The following TMEM150C variants were observed in gnomAD, a reference collection of about 807,000 sequenced individuals.
TMEM150C encodes tentonin 3.
TMEM150C carries 10 observed loss-of-function variants against 29.9 expected under a neutral mutation model. The observed-to-expected ratio is 0.33, with a 90% CI of 0.21 to 0.57. TMEM150C has a LOEUF of 0.57. Among genes scored for constraint, TMEM150C ranks in the 20% least tolerant of loss-of-function variants. The pLI is 0.88. For missense variants in TMEM150C, 251 were observed against 303.6 expected (o/e 0.83, Z 1.29); for synonymous variants, 101 against 112.5 (o/e 0.90, Z 0.64).
chr4:82,561,766 A>T (rs2110097975), intron 1 of TMEM150C, 140 bp downstream of exon 1: 1 of 571,892 alleles, frequency 1.7e-6, no homozygotes, highest in Non-Finnish European at 2.2e-6. Flanking sequence ...AGGGCCCCGC[A>T]GCCGGGCGGA....
chr4:82,510,404 G>T (rs2110073336), intron 1 of TMEM150C, among the ~76,000 whole-genome samples: 1 of 152,306 alleles, frequency 6.6e-6, no homozygotes, highest in South Asian at 2.1e-4. Context: ...GAAGGACTTT[G>T]TCCTCCCTGG....
intron 1 of TMEM150C, among the ~76,000 whole-genome samples, chr4:82,558,974 TC>T (rs567639769): frequency 4.6e-5 from 7 of 152,104 alleles, no homozygotes; most frequent in Non-Finnish European, 7.4e-5. Flanking sequence ...CTTTGTAATC[TC>T]CCCCACCCTT....
At chr4:82,520,075 G>A (rs1724435456) in intron 1 of TMEM150C, among the ~76,000 whole-genome samples, 1 of 152,196 alleles carries the variant, frequency 6.6e-6, no homozygotes, top group Admixed American at 6.5e-5. Context: ...CTGTCACACT[G>A]AGGGCTTAGA....
rs193086147 is a variant in TMEM150C, at chr4:82,527,777, T to C, written c.-10-23110A>G. Among the ~76,000 whole-genome samples, 41 of 152,330 alleles carry C rather than the reference T, an allele frequency of 2.7e-4. 1 individual carries two copies. The highest frequency in any genetic ancestry group is 1.2e-3 in the South Asian group (6 of 4,828). On this transcript the variant is annotated intron_variant, in intron 1 of 7. Transcript: ENST00000449862. ...TAAGCTCAAATCCCTGTAAACTGTGTGTGTATACATCATGGTTTTGCTTCT... is the reference window on the plus strand; with the variant it reads ...TAAGCTCAAATCCCTGTAAACTGTGCGTGTATACATCATGGTTTTGCTTCT...
chr4:82,510,121 T>TA (rs1560486404), intron 1 of TMEM150C, among the ~76,000 whole-genome samples: 1 of 150,442 alleles, frequency 6.6e-6, no homozygotes, highest in Middle Eastern at 3.4e-3. Flanking sequence ...CTACTAAAAA[T>TA]AAAAAAAATT....
At chr4:82,519,443 T>C (rs1299348601) in intron 1 of TMEM150C, among the ~76,000 whole-genome samples, 3 of 151,962 alleles carry the variant, frequency 2.0e-5, no homozygotes, top group Non-Finnish European at 4.4e-5. Flanking sequence ...TCTTTTTTTT[T>C]AGATGGAGTC....
At chr4:82,519,402 CTCTT>C (rs1470828564) in intron 1 of TMEM150C, among the ~76,000 whole-genome samples, 9 of 151,456 alleles carry the variant, frequency 5.9e-5, no homozygotes, top group Non-Finnish European at 1.0e-4. Context: ...GATGTTCTTT[CTCTT>C]TCTTTTTCTT....
At chr4:82,518,369 G>A (rs1724365529) in intron 1 of TMEM150C, among the ~76,000 whole-genome samples, 1 of 151,878 alleles carries the variant, frequency 6.6e-6, no homozygotes, top group African/African-American at 2.4e-5. Flanking sequence ...CCGTGCCCTG[G>A]CCTCTGGCCA....
intron 5 of TMEM150C, among the ~76,000 whole-genome samples, chr4:82,500,771 C>G (rs558129960): frequency 6.6e-6 from 1 of 152,328 alleles, no homozygotes; most frequent in East Asian, 1.9e-4. Flanking sequence ...TGGGAAATAT[C>G]AATTTGTCTT....
intron 6 of TMEM150C, chr4:82,490,973 C>T: frequency 1.4e-6 from 1 of 735,456 alleles, no homozygotes; most frequent in Non-Finnish European, 2.5e-6. Context: ...CTTCCACCCG[C>T]TTAGCCAAAG....
intron 1 of TMEM150C, among the ~76,000 whole-genome samples, chr4:82,514,307 G>C (rs1292527268): frequency 6.6e-6 from 1 of 152,240 alleles, no homozygotes; most frequent in Non-Finnish European, 1.5e-5. Context: ...TTTTCCAATA[G>C]GAGTTTTAAT....
At chr4:82,517,858 G>A (rs1724342548) in intron 1 of TMEM150C, among the ~76,000 whole-genome samples, 1 of 152,104 alleles carries the variant, frequency 6.6e-6, no homozygotes, top group African/African-American at 2.4e-5. Flanking sequence ...CTGTTTCTCT[G>A]GAAAACTGAC....
chr4:82,537,906 C>T (rs1232639468), intron 1 of TMEM150C, among the ~76,000 whole-genome samples: 1 of 152,158 alleles, frequency 6.6e-6, no homozygotes. Context: ...GGATTTCCGG[C>T]CTCCAGGACT....
intron 5 of TMEM150C, among the ~76,000 whole-genome samples, chr4:82,499,846 T>C (rs959312323): frequency 1.3e-5 from 2 of 152,078 alleles, no homozygotes; most frequent in African/African-American, 4.8e-5. Context: ...TTCCTTGCAG[T>C]TCTAAACTGG....
At chr4:82,533,126 T>C (rs962851880) in intron 1 of TMEM150C, among the ~76,000 whole-genome samples, 14 of 152,344 alleles carry the variant, frequency 9.2e-5, no homozygotes, top group Middle Eastern at 3.4e-3. Context: ...TATGAATCAA[T>C]GTTGTTGGTC....
intron 1 of TMEM150C, among the ~76,000 whole-genome samples, chr4:82,552,882 G>A (rs551968904): frequency 6.6e-6 from 1 of 152,264 alleles, no homozygotes; most frequent in East Asian, 1.9e-4. Context: ...AAAGGTCAAT[G>A]GTCTGTCTGA....
intron 1 of TMEM150C, among the ~76,000 whole-genome samples, chr4:82,514,268 G>A (rs1724221527): frequency 6.6e-6 from 1 of 152,244 alleles, no homozygotes; most frequent in African/African-American, 2.4e-5. Flanking sequence ...TGTGGACCAG[G>A]GGCTGCTGTG....
chr4:82,516,040 C>T (rs1724285875), intron 1 of TMEM150C, among the ~76,000 whole-genome samples: 1 of 152,056 alleles, frequency 6.6e-6, no homozygotes, highest in Non-Finnish European at 1.5e-5. Flanking sequence ...ACACCTCAGG[C>T]CTGGTTCAGT....
intron 1 of TMEM150C, among the ~76,000 whole-genome samples, chr4:82,515,359 T>C (rs944677519): frequency 3.9e-5 from 6 of 152,148 alleles, no homozygotes; most frequent in African/African-American, 1.4e-4. Context: ...CTGAGAAGTA[T>C]AGGAATGGCT....
Sources: gnomAD v4.1 joint callset for allele counts (sites outside exome capture counted in the v4.1 genomes callset) on GRCh38, gnomAD v4.1.1 for gene constraint, MANE v1.5 for transcripts, NCBI Gene and HGNC (gene_info 2026-07-23, HGNC 2026-07-21) for gene names.